Variants in CPLANE1 observed in about 807,000 individuals in gnomAD.
CPLANE1 encodes ciliogenesis and planar polarity effector complex subunit 1.
Under a neutral mutation model 362.5 loss-of-function variants are expected in CPLANE1, and 263 were observed. The observed-to-expected ratio is 0.73, with a 90% CI of 0.66 to 0.80. The LOEUF (loss-of-function observed/expected upper bound fraction) is 0.80, where lower values mean the gene tolerates loss of function less well. Among genes scored for constraint, CPLANE1 ranks in the 30% least tolerant of loss-of-function variants. The pLI, the probability that CPLANE1 is intolerant of heterozygous loss-of-function variation, is 0.00. For synonymous variants in CPLANE1, 1,212 were observed against 1,302.6 expected, an observed-to-expected ratio of 0.93 and a Z score of 1.50; for missense variants, 3,461 against 3,793.4, an observed-to-expected ratio of 0.91 and a Z score of 2.30.
intron 49 of CPLANE1, 61 bp downstream of exon 49, chr5:37,121,556 A>T: frequency 2.7e-6 from 4 of 1,493,622 alleles, no homozygotes; most frequent in Non-Finnish European, 3.7e-6. Context: ...CGAAAGTGCT[A>T]CATTTCTTCT....
intron 39 of CPLANE1, 135 bp downstream of exon 39, chr5:37,158,089 T>G (rs1256343152): frequency 9.6e-7 from 1 of 1,044,914 alleles, no homozygotes; most frequent in Non-Finnish European, 1.4e-6. Context: ...TTAAATTAAT[T>G]TTTGAACCTT....
rs1775578100 is a variant in CPLANE1 at position 37,157,858 on chromosome 5, G to C, written c.7823C>G (p.Thr2608Ser). 3.7e-6 allele frequency: 5 copies of C among 1,366,518 alleles called. No individual in the cohort carries two copies. Among genetic ancestry groups the C allele is most frequent in the Non-Finnish European group, 4.8e-6 (5 of 1,031,310 alleles). 84.6% of individuals were successfully genotyped at this position (1,366,518 alleles called of 1,614,324 possible). The change falls in exon 40 of 53, where the codon ACT (threonine) becomes AGT (serine). Residue 2608 changes from threonine to serine, a missense_variant. Transcript: ENST00000651892. Reference sequence around the variant, plus strand: ...TTCAATGTCAATCACATTTATATAAGTATGTCCAACCTGAGCCAAAACACA... The same window carrying C: ...TTCAATGTCAATCACATTTATATAACTATGTCCAACCTGAGCCAAAACACA... ...PHTVTNLVGH[T>S]YINVIDIEAN...
intron 8 of CPLANE1, among the ~76,000 whole-genome samples, chr5:37,236,639 A>C (rs1561697032): frequency 6.6e-6 from 1 of 152,112 alleles, no homozygotes; most frequent in Non-Finnish European, 1.5e-5. Flanking sequence ...GCAACCTACA[A>C]AATGGGAGAA....
At chr5:37,083,634 C>T in the CPLANE1 span, among the ~76,000 whole-genome samples, 1 of 152,088 alleles carries the variant, frequency 6.6e-6, no homozygotes, top group Non-Finnish European at 1.5e-5. Context: ...GCAAAATGCT[C>T]TGGAAAGTCT....
chr5:37,127,363 C>T (rs1477492306), intron 46 of CPLANE1, among the ~76,000 whole-genome samples: 1 of 152,152 alleles, frequency 6.6e-6, no homozygotes, highest in East Asian at 1.9e-4. Flanking sequence ...TTTTCCCTTT[C>T]AGGCATTTCT....
At chr5:37,131,040 C>A (rs1561346927) in intron 46 of CPLANE1, among the ~76,000 whole-genome samples, 1 of 152,178 alleles carries the variant, frequency 6.6e-6, no homozygotes, top group Non-Finnish European at 1.5e-5. Context: ...AATAGTTTCA[C>A]GGCAGTAAAA....
At chr5:37,187,990 A>T in intron 21 of CPLANE1, 148 bp from the exon 22 acceptor site, 1 of 472,576 alleles carries the variant, frequency 2.1e-6, no homozygotes, top group Non-Finnish European at 3.7e-6. Context: ...GTAAATTTAT[A>T]TAAAAGTCCT....
At chr5:37,237,628 C>T (rs1187351831) in intron 8 of CPLANE1, among the ~76,000 whole-genome samples, 3 of 152,130 alleles carry the variant, frequency 2.0e-5, no homozygotes, top group Non-Finnish European at 4.4e-5. Flanking sequence ...GAGTGGATCA[C>T]GAGGTCAGGA....
chr5:37,113,580 A>G (rs1381114203), intron 51 of CPLANE1, among the ~76,000 whole-genome samples: 1 of 152,210 alleles, frequency 6.6e-6, no homozygotes, highest in Non-Finnish European at 1.5e-5. Flanking sequence ...CATGGGGGAA[A>G]GAGTAGAAAA....
rs754882012 is a variant in CPLANE1, at chr5:37,121,676, C to T, written c.9126G>A (p.Leu3042=). Residue 3042 remains leucine, a synonymous_variant, in exon 49 of 53, where the codon TTG becomes TTA. Transcript: ENST00000651892. ...ACTGAGTAGGGCTGGGTTTGTTAGGCAATGGTTTCTGTGGTAGAGTTGGTA... is the reference window on the plus strand; with the variant it reads ...ACTGAGTAGGGCTGGGTTTGTTAGGTAATGGTTTCTGTGGTAGAGTTGGTA... ...VQLPTLPQKP[L]PNKPSPTQSS... 1 of 1,614,034 alleles carries T rather than the reference C, an allele frequency of 6.2e-7. No individual in the cohort carries two copies. The highest frequency in any genetic ancestry group is 8.5e-7 in the Non-Finnish European group (1 of 1,180,014).
At chr5:37,206,652 G>C (rs1790836671) in intron 16 of CPLANE1, among the ~76,000 whole-genome samples, 1 of 151,458 alleles carries the variant, frequency 6.6e-6, no homozygotes, top group Non-Finnish European at 1.5e-5. Flanking sequence ...TTTTAAAAAT[G>C]AAACAAAAGA....
chr5:37,159,261 G>A (rs1318701396), intron 38 of CPLANE1, among the ~76,000 whole-genome samples: 2 of 148,840 alleles, frequency 1.3e-5, no homozygotes, highest in Non-Finnish European at 3.0e-5. Context: ...ACAGGCGCCC[G>A]CCACCGCGCC....
chr5:37,169,259 T>C lies in CPLANE1; in HGVS notation c.6765A>G (p.Pro2255=). 1.2e-6 allele frequency: 2 copies of C among 1,614,228 alleles called. No homozygotes were observed. The highest frequency in any genetic ancestry group is 1.7e-6 in the Non-Finnish European group (2 of 1,180,032). Residue 2255 remains proline (P), a synonymous_variant, in exon 34 of 53, where the codon CCA becomes CCG. Transcript: ENST00000651892. The part of the protein sequence containing the change: ...SIPQVPFRPL[P]QPREAWGLSD... Reference sequence around the variant, plus strand: ...ATAATCCCCAAGCCTCTCTTGGTTGTGGCAAAGGCCTGAAGGGAACTTGTG... The same window carrying C: ...ATAATCCCCAAGCCTCTCTTGGTTGCGGCAAAGGCCTGAAGGGAACTTGTG...
At chr5:37,211,294 G>A (rs1049053319) in intron 16 of CPLANE1, 18 of 1,511,402 alleles carry the variant, frequency 1.2e-5, no homozygotes, top group Non-Finnish European at 1.6e-5. Context: ...GAGGCGGAAC[G>A]CTTGGAAAAG....
chr5:37,230,213 T>C (rs560622044), intron 9 of CPLANE1, among the ~76,000 whole-genome samples: 1 of 143,990 alleles, frequency 6.9e-6, no homozygotes, highest in East Asian at 2.0e-4. Context: ...AATGAAAATT[T>C]AAAAATTGAA....
chr5:37,107,825 C>CA (rs1156329977), intron 52 of CPLANE1, 47 bp from the exon 53 acceptor site: 12 of 1,476,096 alleles, frequency 8.1e-6, no homozygotes, highest in South Asian at 4.1e-5. Flanking sequence ...TAAAAACAAA[C>CA]AAAAAAACAA....
At chr5:37,118,798 C>T (rs1351389963) in intron 50 of CPLANE1, among the ~76,000 whole-genome samples, 2 of 151,678 alleles carry the variant, frequency 1.3e-5, no homozygotes, top group Non-Finnish European at 2.9e-5. Flanking sequence ...ACTGCAACCT[C>T]CGCCTCCTGG....
At chr5:37,084,166 A>G in the CPLANE1 span, among the ~76,000 whole-genome samples, 1 of 152,222 alleles carries the variant, frequency 6.6e-6, no homozygotes, top group Non-Finnish European at 1.5e-5. Context: ...AGAATTCTGT[A>G]TTCAGTGAAA....
chr5:37,158,029 CA>C, intron 39 of CPLANE1, 161 bp from the exon 40 acceptor site: 1 of 768,338 alleles, frequency 1.3e-6, no homozygotes, highest in Non-Finnish European at 2.0e-6. Flanking sequence ...GGAAAAGGAG[CA>C]GGAAGTATGT....
Sources: gnomAD v4.1 joint callset for allele counts (sites outside exome capture counted in the v4.1 genomes callset) on GRCh38, gnomAD v4.1.1 for gene constraint, MANE v1.5 for transcripts, NCBI Gene and HGNC (gene_info 2026-07-23, HGNC 2026-07-21) for gene names.